The following LPIN1 variants were observed in gnomAD, a reference collection of about 807,000 sequenced individuals.
The protein encoded by LPIN1 is phosphatidate phosphatase LPIN1.
A neutral mutation model predicts 107.5 loss-of-function variants in LPIN1; 71 were observed. The ratio of observed to expected loss-of-function variants is 0.66; its 90% confidence interval spans 0.55 to 0.80. LPIN1 has a LOEUF of 0.80. Among genes scored for constraint, LPIN1 ranks in the 30% least tolerant of loss-of-function variants. The probability of loss-of-function intolerance (pLI) is 0.00; values close to 1 mark genes in which losing one functional copy is unlikely to be tolerated. For missense variants in LPIN1, 1,043 were observed against 1,160.6 expected, an observed-to-expected ratio of 0.90 and a Z score of 1.47; for synonymous variants, 445 against 452.6, an observed-to-expected ratio of 0.98 and a Z score of 0.21.
rs750497679 is a variant in LPIN1, at chr2:11,773,669, A to T, written c.646A>T (p.Asn216Tyr). ...PPFQDDIPEE[N>Y]LSLAVIYPQS... ...ATTCCAAGATGATATTCCTGAGGAA[A>T]ACCTCTCCCTGGCTGTGATTTACCC... The change falls in exon 5 of 21, where the codon AAC becomes TAC. Residue 216 changes from asparagine (N) to tyrosine (Y), a missense_variant. By Grantham distance (143) the Asn-to-Tyr change is moderately radical. Coordinates refer to ENST00000674199, the MANE Select transcript of LPIN1 (RefSeq NM_001349206.2). 1 of 1,612,994 alleles carries T rather than the reference A, an allele frequency of 6.2e-7. No individual in the cohort carries two copies. Among genetic ancestry groups the T allele is most frequent in the South Asian group, 1.1e-5 (1 of 91,054 alleles).
chr2:11,723,804 A>C (rs1009967784), upstream of LPIN1: 2 of 152,226 alleles, frequency 1.3e-5, no homozygotes, highest in East Asian at 1.9e-4. Context: ...CTGTTGAATA[A>C]CTTTCCATTT....
At position 11,782,324 on chromosome 2, in the gene LPIN1, CT is replaced by C; in HGVS notation, c.1082del (p.Leu361ArgfsTer19). On this transcript the variant is annotated frameshift_variant, in exon 8 of 21. Transcript: ENST00000674199. LOFTEE classifies it high-confidence loss of function. The part of the protein sequence containing the change: ...SDTFSDQSPT[L>X]VGGALLDQNK... ...CACTTTTAGTGACCAATCGCCAACT[CT>C]GGTCGGTGGGGCACTTTTGGACCAG... 1.9e-6 allele frequency: 3 copies of C among 1,614,236 alleles called. No homozygotes were observed. Among genetic ancestry groups the C allele is most frequent in the Non-Finnish European group, 2.5e-6 (3 of 1,180,046 alleles).
intron 2 of LPIN1, among the ~76,000 whole-genome samples, chr2:11,714,806 TCGAGGAG>T (rs1441849939): frequency 6.6e-6 from 1 of 152,154 alleles, no homozygotes. Context: ...GTCTCCACCC[TCGAGGAG>T]CCCACAGTTA....
At chr2:11,739,395 T>C (rs73183116) in intron 1 of LPIN1, among the ~76,000 whole-genome samples, 5,499 of 152,232 alleles carry the variant, frequency 0.036, 330 homozygotes, top group African/African-American at 0.12. Flanking sequence ...AGGGAATAAA[T>C]ACCTGTTGAT....
chr2:11,695,173 CTCAA>C (rs1662507848), intron 1 of LPIN1, among the ~76,000 whole-genome samples: 1 of 152,180 alleles, frequency 6.6e-6, no homozygotes, highest in Non-Finnish European at 1.5e-5. Context: ...AACAAAACAA[CTCAA>C]AAGTAAACAC....
At chr2:11,814,444 G>C (rs1009217593) in intron 17 of LPIN1, among the ~76,000 whole-genome samples, 7 of 151,898 alleles carry the variant, frequency 4.6e-5, no homozygotes, top group Non-Finnish European at 8.8e-5. Flanking sequence ...GAAGAATTTT[G>C]CTACAAAAGG....
At position 11,795,446 on chromosome 2, in the gene LPIN1, T is replaced by C. The variant is rs755622010; in HGVS notation, c.1845T>C (p.His615=). The change falls in exon 14 of 21, where the codon CAT becomes CAC. Residue 615 remains histidine (H), a synonymous_variant. Transcript: ENST00000674199. ...AGCAGTGCTTGGCTGGCAAGGCCCATAGCACCGGAGAGCAACCGCCGCAGC... is the reference window on the plus strand; with the variant it reads ...AGCAGTGCTTGGCTGGCAAGGCCCACAGCACCGGAGAGCAACCGCCGCAGC... The part of the protein sequence containing the change: ...KPEQCLAGKA[H]STGEQPPQLS... The C allele has an allele frequency of 6.2e-7, 1 of 1,614,120 alleles. No homozygotes were observed. The highest frequency in any genetic ancestry group is 8.5e-7 in the Non-Finnish European group (1 of 1,180,026).
At chr2:11,718,917 G>A (rs1462086325) in intron 2 of LPIN1, among the ~76,000 whole-genome samples, 1 of 152,210 alleles carries the variant, frequency 6.6e-6, no homozygotes, top group Non-Finnish European at 1.5e-5. Flanking sequence ...AAGGGTGGTG[G>A]CTAAGGACGC....
intron 17 of LPIN1, among the ~76,000 whole-genome samples, chr2:11,811,053 T>C (rs1478740120): frequency 6.6e-6 from 1 of 152,150 alleles, no homozygotes; most frequent in South Asian, 2.1e-4. Context: ...CTTTATCCAC[T>C]GACACCTCCT....
rs936717694 is a variant in LPIN1, at chr2:11,826,204, G to A, written c.*1413G>A. 2 of 152,412 alleles carry A rather than the reference G, an allele frequency of 1.3e-5. No homozygotes were observed. The highest frequency in any genetic ancestry group is 4.1e-4 in the South Asian group (2 of 4,822). 9.4% of individuals were successfully genotyped at this position (152,412 alleles called of 1,614,324 possible). Reference sequence around the variant, plus strand: ...TTTAAATTTCATTGTTAGAATCACAGGAGGCAAAAAATGGAACGGTTGAAT... The same window carrying A: ...TTTAAATTTCATTGTTAGAATCACAAGAGGCAAAAAATGGAACGGTTGAAT... On this transcript the variant is annotated 3_prime_UTR_variant, in exon 21 of 21. Transcript: ENST00000674199.
chr2:11,801,601 G>T (rs569624820), intron 14 of LPIN1, among the ~76,000 whole-genome samples: 1 of 152,310 alleles, frequency 6.6e-6, no homozygotes, highest in East Asian at 1.9e-4. Flanking sequence ...GAGCTGGGAA[G>T]GGTAGAGGGG....
chr2:11,696,031 C>T (rs1417009180), intron 1 of LPIN1, among the ~76,000 whole-genome samples: 1 of 149,420 alleles, frequency 6.7e-6, no homozygotes, highest in Non-Finnish European at 1.5e-5. Context: ...ATGGCTCTGA[C>T]AGTTGCTGAC....
rs1405624156 is a variant in LPIN1, at chr2:11,827,165, A to G, written c.*2374A>G. ...TCACATGTGATGAAGACAAATATGT[A>G]TACCTGGCATAGAGAAAAATATATA... is the stretch of plus-strand genomic sequence containing the variant. On this transcript the variant is annotated 3_prime_UTR_variant, in exon 21 of 21. Transcript: ENST00000674199. The surrounding 1 kb of genome is among the most constrained non-coding windows in gnomAD (Gnocchi z 4.1). 1 of 152,706 alleles carries G rather than the reference A, an allele frequency of 6.5e-6. No individual in the cohort carries two copies. Among genetic ancestry groups the G allele is most frequent in the Non-Finnish European group, 1.5e-5 (1 of 68,056 alleles). 9.5% of individuals were successfully genotyped at this position (152,706 alleles called of 1,614,324 possible). A position where few individuals can be genotyped will look rare whatever the true frequency, so the allele number is the denominator to read the frequency against.
intron 13 of LPIN1, among the ~76,000 whole-genome samples, chr2:11,793,049 C>T (rs1422453829): frequency 1.3e-5 from 2 of 152,168 alleles, no homozygotes; most frequent in Non-Finnish European, 2.9e-5. Context: ...TTTTCTACTC[C>T]ACATCCACTT....
intron 2 of LPIN1, among the ~76,000 whole-genome samples, chr2:11,717,066 G>A (rs1663793905): frequency 6.6e-6 from 1 of 152,136 alleles, no homozygotes; most frequent in African/African-American, 2.4e-5. Flanking sequence ...CTTGGAGGGA[G>A]CATGTTTTGT....
upstream of LPIN1, among the ~76,000 whole-genome samples, chr2:11,742,888 C>T (rs745770338): frequency 1.3e-5 from 2 of 152,246 alleles, no homozygotes; most frequent in Non-Finnish European, 2.9e-5. Flanking sequence ...AGCACCTGTG[C>T]GTGCCTGACT....
intron 1 of LPIN1, among the ~76,000 whole-genome samples, chr2:11,739,608 A>AACTAATC (rs1413655632): frequency 1.1e-4 from 17 of 152,230 alleles, no homozygotes; most frequent in African/African-American, 4.1e-4. Context: ...AAAAAGATCA[A>AACTAATC]ACTAATCGTA....
intron 1 of LPIN1, among the ~76,000 whole-genome samples, chr2:11,703,691 C>G (rs1662995132): frequency 6.6e-6 from 1 of 151,764 alleles, no homozygotes; most frequent in South Asian, 2.1e-4. Flanking sequence ...CATCATGATA[C>G]AAATACATAG....
intron 1 of LPIN1, among the ~76,000 whole-genome samples, chr2:11,699,826 C>T (rs1012179845): frequency 2.0e-5 from 3 of 152,038 alleles, no homozygotes; most frequent in East Asian, 1.9e-4. Context: ...TGACTGATTC[C>T]GCCTGCAGGA....
Sources: allele counts gnomAD v4.1 joint callset (sites outside exome capture counted in the v4.1 genomes callset), GRCh38; gene constraint gnomAD v4.1.1; non-coding constraint Gnocchi (gnomAD v3.1); transcripts MANE v1.5; gene names NCBI Gene and HGNC (gene_info 2026-07-23, HGNC 2026-07-21).